Variants in TUSC3 observed in about 807,000 individuals in gnomAD.
TUSC3 encodes dolichyl-diphosphooligosaccharide--protein glycosyltransferase subunit TUSC3.
Under a neutral mutation model 44.8 loss-of-function variants are expected in TUSC3, and 45 were observed. The ratio of observed to expected loss-of-function variants is 1.00; its 90% CI spans 0.79 to 1.29. The LOEUF is 1.29. TUSC3 is among the 50% of genes most tolerant of loss of function. TUSC3 has a pLI of 0.00. For synonymous variants in TUSC3, 212 were observed against 152.9 expected (o/e 1.39, Z -2.85); for missense variants, 519 against 437.9 (o/e 1.19, Z -1.65).
At chr8:15,476,714 C>T (rs922021261) in intron 1 of TUSC3, among the ~76,000 whole-genome samples, 2 of 152,090 alleles carry the variant, frequency 1.3e-5, no homozygotes, top group African/African-American at 4.8e-5. Context: ...GGGAGCAGGC[C>T]CGAGCATAGG....
chr8:15,771,792 A>T, the TUSC3 span, among the ~76,000 whole-genome samples: 1 of 151,888 alleles, frequency 6.6e-6, no homozygotes, highest in African/African-American at 2.4e-5. Flanking sequence ...TGTCTGTATT[A>T]AAAAAAAGAA....
downstream of TUSC3, among the ~76,000 whole-genome samples, chr8:15,769,679 A>G (rs76630539): frequency 0.2 from 29,931 of 152,172 alleles, 2,931 homozygotes; most frequent in South Asian, 0.25. Flanking sequence ...CAATCTATCC[A>G]TCTGACAAAG....
At chr8:15,604,054 C>G (rs1040009414) in intron 1 of TUSC3, among the ~76,000 whole-genome samples, 3 of 151,324 alleles carry the variant, frequency 2.0e-5, no homozygotes, top group African/African-American at 7.3e-5. Context: ...GATGGGGTGC[C>G]CTACAGCAAT....
chr8:15,580,785 A>G (rs530276486), intron 1 of TUSC3, among the ~76,000 whole-genome samples: 4 of 133,944 alleles, frequency 3.0e-5, no homozygotes. Context: ...TGAATCTGAC[A>G]ATTATGTGTC....
intron 1 of TUSC3, among the ~76,000 whole-genome samples, chr8:15,607,974 A>G (rs1804605739): frequency 6.6e-6 from 1 of 152,204 alleles, no homozygotes; most frequent in Non-Finnish European, 1.5e-5. Flanking sequence ...AATATTTTTG[A>G]TAAGCATGCA....
At chr8:15,523,700 G>A (rs373814340) in intron 2 of TUSC3, among the ~76,000 whole-genome samples, 55,926 of 102,554 alleles carry the variant, frequency 0.55, 15,387 homozygotes, top group Non-Finnish European at 0.56. Flanking sequence ...GTGTGTGTGT[G>A]TGTGTGTGTA....
the TUSC3 span, among the ~76,000 whole-genome samples, chr8:15,821,321 C>A: frequency 6.9e-6 from 1 of 144,518 alleles, no homozygotes; most frequent in Non-Finnish European, 1.5e-5. Flanking sequence ...ATTATTTTAT[C>A]TCTGGATTTT....
chr8:15,593,426 A>G (rs1426562455), intron 1 of TUSC3, among the ~76,000 whole-genome samples: 1 of 152,212 alleles, frequency 6.6e-6, no homozygotes, highest in Non-Finnish European at 1.5e-5. Context: ...ATCACTTACT[A>G]AAATAATATG....
At chr8:15,503,454 T>G (rs1800997535) in intron 2 of TUSC3, among the ~76,000 whole-genome samples, 1 of 152,148 alleles carries the variant, frequency 6.6e-6, no homozygotes, top group African/African-American at 2.4e-5. Context: ...CTTCTTCTTC[T>G]GCCCTATGAT....
chr8:15,448,403 G>T (rs951173814), intron 1 of TUSC3, among the ~76,000 whole-genome samples: 10 of 151,986 alleles, frequency 6.6e-5, no homozygotes, highest in African/African-American at 2.4e-4. Context: ...ACAGACATGT[G>T]CCACCATGCC....
At chr8:15,446,267 C>T (rs1170345373) in intron 1 of TUSC3, among the ~76,000 whole-genome samples, 4 of 152,036 alleles carry the variant, frequency 2.6e-5, no homozygotes, top group Non-Finnish European at 4.4e-5. Context: ...GGAAGAGGCG[C>T]TCCTCACTTC....
At chr8:15,836,931 T>A in the TUSC3 span, among the ~76,000 whole-genome samples, 6 of 152,216 alleles carry the variant, frequency 3.9e-5, 1 homozygote, top group South Asian at 1.2e-3. Flanking sequence ...AACACTGTTA[T>A]ATAACTGCAA....
rs190525585 is a variant in TUSC3, at chr8:15,565,997, C to G, written c.138+25429C>G. 1.9e-3 allele frequency among the ~76,000 whole-genome samples: 286 copies of G among 152,242 alleles called. 1 individual carries two copies. Among genetic ancestry groups the G allele is most frequent in the African/African-American group, 6.6e-3 (273 of 41,554 alleles). On this transcript the variant is annotated intron_variant, in intron 1 of 10. Transcript: ENST00000503731. ...ACTTATTAAAAACTAAATACCAAAA[C>G]AAATATCATCGCTTATGATGTATTT...
In TUSC3 at chr8:15,592,803, A is replaced by G. The variant is rs143196252; in HGVS notation, c.139-30277A>G. Among the ~76,000 whole-genome samples the G allele has an allele frequency of 7.7e-3, 1,168 of 152,324 alleles. 5 individuals are homozygous for G. Among genetic ancestry groups the G allele is most frequent in the Non-Finnish European group, 0.013 (884 of 68,028 alleles). On this transcript the variant is annotated intron_variant, in intron 1 of 10. Transcript: ENST00000503731. ...TAAATGTAGTAACTCAAGCCTTACA[A>G]CAAACATGTGATACAGGTACCCTTA... is the stretch of plus-strand genomic sequence containing the variant.
At chr8:15,610,561 A>T (rs1487232233) in intron 1 of TUSC3, among the ~76,000 whole-genome samples, 1 of 152,198 alleles carries the variant, frequency 6.6e-6, no homozygotes, top group East Asian at 1.9e-4. Context: ...TTATTGTTAT[A>T]CTGATTTTAT....
At chr8:15,537,858 C>G (rs1044382987), upstream of TUSC3, among the ~76,000 whole-genome samples, 14 of 152,082 alleles carry the variant, frequency 9.2e-5, no homozygotes, top group African/African-American at 2.9e-4. Context: ...CAATATTTTA[C>G]TGATAAAGAT....
intron 8 of TUSC3, among the ~76,000 whole-genome samples, chr8:15,744,670 G>T (rs1045974676): frequency 1.3e-5 from 2 of 150,428 alleles, no homozygotes; most frequent in Non-Finnish European, 3.0e-5. Context: ...TTTTCCTATG[G>T]TATCATCTAT....
intron 7 of TUSC3, among the ~76,000 whole-genome samples, chr8:15,736,586 C>T (rs1433914023): frequency 6.6e-6 from 1 of 152,042 alleles, no homozygotes; most frequent in Non-Finnish European, 1.5e-5. Context: ...TTACTAAATA[C>T]ACTTATAAAT....
intron 1 of TUSC3, among the ~76,000 whole-genome samples, chr8:15,455,636 C>G (rs1442536480): frequency 6.6e-6 from 1 of 152,082 alleles, no homozygotes; most frequent in African/African-American, 2.4e-5. Flanking sequence ...AAATAGGCTT[C>G]TAGCCAATGA....
Sources: gnomAD v4.1 joint callset for allele counts (sites outside exome capture counted in the v4.1 genomes callset) on GRCh38, gnomAD v4.1.1 for gene constraint, MANE v1.5 for transcripts, NCBI Gene and HGNC (gene_info 2026-07-23, HGNC 2026-07-21) for gene names.